COBL: variants seen among roughly 807,000 people sequenced by gnomAD.
COBL encodes protein cordon-bleu.
Under a neutral mutation model 98.8 loss-of-function variants are expected in COBL, and 51 were observed. The observed-to-expected ratio is 0.52, with a 90% confidence interval of 0.41 to 0.65. The LOEUF is 0.65. Ranked by LOEUF, COBL falls within the 30% of genes least tolerant of loss-of-function variation. COBL has a pLI of 0.00. For missense variants in COBL, 1,617 were observed against 1,617.5 expected (o/e 1.00, Z 0.01); for synonymous variants, 634 against 651.7 (o/e 0.97, Z 0.41).
intron 1 of COBL, chr7:51,259,508 T>A: frequency 1.5e-6 from 1 of 645,746 alleles, no homozygotes; most frequent in Non-Finnish European, 2.8e-6. Context: ...GGAAACCCAC[T>A]CTATTTGTGG....
At chr7:51,296,425 A>G (rs1458273790) in intron 1 of COBL, among the ~76,000 whole-genome samples, 1 of 152,100 alleles carries the variant, frequency 6.6e-6, no homozygotes, top group African/African-American at 2.4e-5. Context: ...GAAGGCGTGC[A>G]ATATTTTTTT....
chr7:51,026,642 G>T lies in COBL; in HGVS notation c.3408C>A (p.Gly1136=), dbSNP rs528910175. 1 of 1,614,002 alleles carries T rather than the reference G, an allele frequency of 6.2e-7. No individual in the cohort carries two copies. Among genetic ancestry groups the T allele is most frequent in the East Asian group, 2.2e-5 (1 of 44,874 alleles). The part of the protein sequence containing the change: ...LRKTAEHTGE[G]RPAKLSYTEA... ...CCGTGTAGGACAGTTTCGCTGGCCT[G>T]CCCTCCCCGGTGTGTTCTGCCGTCT... is the stretch of plus-strand genomic sequence containing the variant. The change falls in exon 11 of 13, where the codon GGC becomes GGA. Residue 1136 remains glycine (G), a synonymous_variant. Coordinates refer to ENST00000265136, the MANE Select transcript of COBL (RefSeq NM_015198.5).
chr7:51,042,548 G>A (rs1789303587), intron 8 of COBL, among the ~76,000 whole-genome samples: 13 of 152,052 alleles, frequency 8.5e-5, no homozygotes, highest in Admixed American at 8.5e-4. Flanking sequence ...TTTTTGTAGA[G>A]AAAAGGTCTC....
At chr7:51,058,554 AAACAACAACAACAACAACAACAAC>A (rs57660073) in intron 7 of COBL, among the ~76,000 whole-genome samples, 5 of 150,062 alleles carry the variant, frequency 3.3e-5, no homozygotes, top group African/African-American at 1.2e-4. Context: ...CCATGTCTCA[AAACAACAACAACAACAACAACAAC>A]AACAACAACA....
intron 7 of COBL, among the ~76,000 whole-genome samples, 192 bp from the exon 8 acceptor site, chr7:51,043,884 A>G (rs1337593897): frequency 6.6e-6 from 1 of 152,246 alleles, no homozygotes; most frequent in Admixed American, 6.5e-5. Flanking sequence ...TCATTTGTGT[A>G]AGATTGAGGG....
rs572138413 is a variant in COBL at position 51,237,233 on chromosome 7, T to G, written c.42-17289A>C. Among the ~76,000 whole-genome samples, 14 of 152,296 alleles carry G rather than the reference T, an allele frequency of 9.2e-5. No individual in the cohort carries two copies. The East Asian group carries it at 2.5e-3, about 27-fold the overall frequency. ...GCACTCACAAAGTAAACTAATTCTT[T>G]AATAACTCACAAGAGCTGAAAGTTA... On this transcript the variant is annotated intron_variant, in intron 1 of 12. Transcript: ENST00000265136.
chr7:51,264,946 T>C (rs1000238359), intron 1 of COBL, among the ~76,000 whole-genome samples: 1 of 152,050 alleles, frequency 6.6e-6, no homozygotes, highest in Non-Finnish European at 1.5e-5. Flanking sequence ...GGAAGAGGAC[T>C]TAGATGTCAA....
rs553230943 is a variant in COBL, at chr7:51,147,310, T to C, written c.784-10979A>G. Among the ~76,000 whole-genome samples the C allele has an allele frequency of 2.6e-4, 40 of 152,342 alleles. 1 individual carries two copies. The highest frequency in any genetic ancestry group is 6.8e-3 in the Middle Eastern group (2 of 294). ...ATGGGTCACATTTGTTAGAAATGCTTGTTACTTGGTGCTGTAAAGAAATAG... is the reference window on the plus strand; with the variant it reads ...ATGGGTCACATTTGTTAGAAATGCTCGTTACTTGGTGCTGTAAAGAAATAG... On this transcript the variant is annotated intron_variant, in intron 5 of 12. Coordinates refer to ENST00000265136, the MANE Select transcript of COBL (RefSeq NM_015198.5).
At chr7:51,038,678 T>G (rs1383873531) in intron 8 of COBL, among the ~76,000 whole-genome samples, 1 of 152,208 alleles carries the variant, frequency 6.6e-6, no homozygotes, top group South Asian at 2.1e-4. Flanking sequence ...CTTGGCCAAG[T>G]TGATAAACTA....
At chr7:51,175,055 C>T (rs1428440271) in intron 5 of COBL, among the ~76,000 whole-genome samples, 1 of 152,160 alleles carries the variant, frequency 6.6e-6, no homozygotes, top group Admixed American at 6.5e-5. Flanking sequence ...TCCGGACCAC[C>T]CTATGATTTT....
intron 1 of COBL, among the ~76,000 whole-genome samples, chr7:51,290,187 A>C (rs1432436838): frequency 6.6e-6 from 1 of 152,220 alleles, no homozygotes; most frequent in Non-Finnish European, 1.5e-5. Flanking sequence ...AAATGCATAC[A>C]CCAATCACAG....
chr7:51,062,241 T>A (rs532022253), intron 7 of COBL, among the ~76,000 whole-genome samples: 3 of 152,018 alleles, frequency 2.0e-5, no homozygotes, highest in Non-Finnish European at 4.4e-5. Flanking sequence ...ACAGTGTGGA[T>A]GTTTGCTGCA....
At chr7:51,159,569 T>TA (rs1786569966) in intron 5 of COBL, among the ~76,000 whole-genome samples, 1 of 152,172 alleles carries the variant, frequency 6.6e-6, no homozygotes, top group Non-Finnish European at 1.5e-5. Flanking sequence ...AAAGGAAACA[T>TA]AGACAGTGGA....
intron 6 of COBL, among the ~76,000 whole-genome samples, chr7:51,090,423 C>T (rs1023610926): frequency 2.6e-5 from 4 of 152,226 alleles, no homozygotes; most frequent in Non-Finnish European, 4.4e-5. Flanking sequence ...TCAGTGTCTG[C>T]AGGAGAAAAG....
chr7:51,022,023 C>T (rs978798127), intron 12 of COBL, among the ~76,000 whole-genome samples: 3 of 152,156 alleles, frequency 2.0e-5, no homozygotes, highest in Non-Finnish European at 4.4e-5. Context: ...CACCCAATTC[C>T]TGCCCTCCTA....
At chr7:51,292,096 G>A (rs925059584) in intron 1 of COBL, among the ~76,000 whole-genome samples, 5 of 150,890 alleles carry the variant, frequency 3.3e-5, no homozygotes, top group Non-Finnish European at 5.9e-5. Context: ...GTAGTGAGCC[G>A]AGATTGTGCC....
rs1787907601 is a variant in COBL at position 51,029,145 on chromosome 7, C to A, written c.1951G>T (p.Val651Leu). Residue 651 changes from valine (V) to leucine (L), a missense_variant, in exon 10 of 13, where the codon GTG becomes TTG. Physicochemically the swap from Val to Leu is conservative, Grantham distance 32. Transcript: ENST00000265136. Reference sequence around the variant, plus strand: ...CTCTCCCCGTCAGCACAGCCATACACTTTGTCTTTCACTTTTGCATTTAGG... The same window carrying A: ...CTCTCCCCGTCAGCACAGCCATACAATTTGTCTTTCACTTTTGCATTTAGG... The part of the protein sequence containing the change: ...DNLNAKVKDK[V>L]YGCADGERTQ... The A allele has an allele frequency of 1.2e-6, 2 of 1,614,210 alleles. No individual in the cohort carries two copies. The highest frequency in any genetic ancestry group is 8.5e-7 in the Non-Finnish European group (1 of 1,180,038).
chr7:51,190,902 C>T lies in COBL; in HGVS notation c.633G>A (p.Lys211=), dbSNP rs373097049. ...CCTTTATCCCGAGCTCGTTCAGGGACTTGGACAGCTCCAGCTCCTCTCCGG... is the reference window on the plus strand; with the variant it reads ...CCTTTATCCCGAGCTCGTTCAGGGATTTGGACAGCTCCAGCTCCTCTCCGG... ...NIAGEELELS[K]SLNELGIKEL... is the part of the protein sequence containing the mutation. The change falls in exon 4 of 13, where the codon AAG becomes AAA. Residue 211 remains lysine (K), a synonymous_variant. Coordinates refer to ENST00000265136, the MANE Select transcript of COBL (RefSeq NM_015198.5). The T allele has an allele frequency of 4.5e-5, 73 of 1,614,038 alleles. 1 individual carries two copies. The highest frequency in any genetic ancestry group is 6.0e-5 in the Non-Finnish European group (71 of 1,180,038).
chr7:51,222,955 T>C (rs1793795369), intron 1 of COBL, among the ~76,000 whole-genome samples: 1 of 152,156 alleles, frequency 6.6e-6, no homozygotes, highest in South Asian at 2.1e-4. Context: ...TAGAATTTTA[T>C]CCACCCTCCC....
Sources: allele counts gnomAD v4.1 joint callset (sites outside exome capture counted in the v4.1 genomes callset), GRCh38; gene constraint gnomAD v4.1.1; transcripts MANE v1.5; gene names NCBI Gene and HGNC (gene_info 2026-07-23, HGNC 2026-07-21).